PLB1: variants seen among roughly 807,000 people sequenced by gnomAD.
The protein encoded by PLB1 is phospholipase B1, also known as phospholipase B1, membrane-associated.
In PLB1, 242 loss-of-function variants were observed where a neutral mutation model predicts 227.4. The ratio of observed to expected loss-of-function variants is 1.06; its 90% CI spans 0.96 to 1.18. The LOEUF (loss-of-function observed/expected upper bound fraction) is 1.18, where lower values mean the gene tolerates loss of function less well. PLB1 is among the 50% of genes most tolerant of loss of function. The pLI is 0.00. For synonymous variants in PLB1, 757 were observed against 682.2 expected (o/e 1.11, Z -1.71); for missense variants, 1,858 against 1,816.3 (o/e 1.02, Z -0.42).
At chr2:28,564,249 A>G (rs1572996720) in intron 18 of PLB1, among the ~76,000 whole-genome samples, 1 of 152,220 alleles carries the variant, frequency 6.6e-6, no homozygotes, top group East Asian at 1.9e-4. Context: ...CTCTAAATCA[A>G]TAAGAAGGTG....
At chr2:28,631,947 C>A in intron 54 of PLB1, 89 bp from the exon 55 acceptor site, 1 of 1,080,724 alleles carries the variant, frequency 9.3e-7, no homozygotes, top group Non-Finnish European at 1.4e-6. Context: ...GAGTTGACTC[C>A]CGTCAACAAC....
At chr2:28,554,301 G>GTA (rs1289159510) in intron 17 of PLB1, among the ~76,000 whole-genome samples, 3 of 109,154 alleles carry the variant, frequency 2.7e-5, no homozygotes, top group African/African-American at 6.6e-5. Context: ...ATAGATGTGT[G>GTA]TATATATATG....
At chr2:28,525,988 C>G in intron 6 of PLB1, 43 bp downstream of exon 6, 1 of 1,609,564 alleles carries the variant, frequency 6.2e-7, no homozygotes, top group Non-Finnish European at 8.5e-7. Flanking sequence ...GTGCCCCTCT[C>G]CTTCCCAACA....
intron 19 of PLB1, 75 bp from the exon 20 acceptor site, chr2:28,566,721 C>T (rs1427591799): frequency 5.9e-6 from 9 of 1,531,206 alleles, no homozygotes; most frequent in Non-Finnish European, 7.2e-6. Context: ...ACGGGCGTTT[C>T]TGGCTAGTGT....
intron 17 of PLB1, among the ~76,000 whole-genome samples, chr2:28,560,072 A>C (rs563548917): frequency 6.6e-6 from 1 of 152,116 alleles, no homozygotes; most frequent in Non-Finnish European, 1.5e-5. Context: ...TTGGCAAAGA[A>C]GGCTGTTGAG....
intron 11 of PLB1, 122 bp downstream of exon 11, chr2:28,539,300 C>A: frequency 3.4e-6 from 3 of 869,926 alleles, no homozygotes; most frequent in African/African-American, 1.7e-5. Context: ...CCAAAGGAGG[C>A]CGAGAAACAC....
At chr2:28,588,683 G>T (rs867169371) in intron 26 of PLB1, among the ~76,000 whole-genome samples, 2 of 152,064 alleles carry the variant, frequency 1.3e-5, no homozygotes, top group Non-Finnish European at 2.9e-5. Context: ...AGCTGTGAGG[G>T]TTACACAGAT....
intron 3 of PLB1, 65 bp downstream of exon 3, chr2:28,518,597 G>A (rs1669133560): frequency 1.1e-5 from 13 of 1,229,578 alleles, no homozygotes; most frequent in African/African-American, 1.5e-5. Context: ...GCCAGCAGAG[G>A]CTCTAACCCT....
In PLB1 at chr2:28,554,489, C is replaced by CTTTTTTTTTTTTTTTTTTTTTTTTTT. The variant is rs536476788; in HGVS notation, c.1147+1502_1147+1527dup. 3.0e-4 allele frequency among the ~76,000 whole-genome samples: 26 copies of CTTTTTTTTTTTTTTTTTTTTTTTTTT among 85,462 alleles called. 1 individual carries two copies. The highest frequency in any genetic ancestry group is 1.9e-3 in the East Asian group (4 of 2,152). 56.1% of individuals were successfully genotyped at this position (85,462 alleles called of 152,430 possible). ...CTACAGGCATTATCACCACACCTGCCTTTTTTTTTTTTTTTTTTTTTTTTT... is the reference window on the plus strand; with the variant it reads ...CTACAGGCATTATCACCACACCTGCCTTTTTTTTTTTTTTTTTTTTTTTTTTTTTTTTTTTTTTTTTTTTTTTTTTT... On this transcript the variant is annotated intron_variant, in intron 17 of 57. Transcript: ENST00000327757.
intron 1 of PLB1, among the ~76,000 whole-genome samples, chr2:28,498,510 C>G (rs1666736785): frequency 1.3e-5 from 2 of 152,232 alleles, no homozygotes; most frequent in Non-Finnish European, 2.9e-5. Flanking sequence ...ATCCTCCTGT[C>G]TTGGCCTTCT....
At chr2:28,580,095 G>A (rs1165558029) in intron 23 of PLB1, among the ~76,000 whole-genome samples, 18 of 152,174 alleles carry the variant, frequency 1.2e-4, no homozygotes, top group South Asian at 2.1e-4. Flanking sequence ...TGGGAAGGTC[G>A]ATTTCCTGCA....
At position 28,605,842 on chromosome 2, in the gene PLB1, G is replaced by A. The variant is rs1303491530; in HGVS notation, c.2962-11G>A. 6.2e-7 allele frequency: 1 copy of A among 1,605,228 alleles called. No individual in the cohort carries two copies. Among genetic ancestry groups the A allele is most frequent in the Non-Finnish European group, 8.5e-7 (1 of 1,171,968 alleles). ...AATAGGATCTTGAGGGGGTATATTGGTCTCTTTCAGGATGGGCTCCCAGAT... is the reference window on the plus strand; with the variant it reads ...AATAGGATCTTGAGGGGGTATATTGATCTCTTTCAGGATGGGCTCCCAGAT... On this transcript the variant is annotated splice_polypyrimidine_tract_variant and intron_variant, in intron 41 of 57. Transcript: ENST00000327757.
chr2:28,532,684 G>A (rs369799278), intron 9 of PLB1, among the ~76,000 whole-genome samples: 24 of 152,166 alleles, frequency 1.6e-4, no homozygotes, highest in East Asian at 3.8e-4. Context: ...ACTATCTTGC[G>A]TCTTAATTCT....
intron 1 of PLB1, among the ~76,000 whole-genome samples, chr2:28,498,404 G>A (rs1666726789): frequency 6.6e-6 from 1 of 151,822 alleles, no homozygotes; most frequent in African/African-American, 2.4e-5. Context: ...TTGTGTTCAG[G>A]CACATGCCAC....
At chr2:28,570,341 G>A (rs942628544) in intron 20 of PLB1, among the ~76,000 whole-genome samples, 2 of 152,136 alleles carry the variant, frequency 1.3e-5, no homozygotes, top group African/African-American at 4.8e-5. Context: ...AGTGGAATTA[G>A]CCCAGGAATA....
chr2:28,589,746 A>G lies in PLB1; in HGVS notation c.1992A>G (p.Ala664=), dbSNP rs1681554464. 1 of 1,613,846 alleles carries G rather than the reference A, an allele frequency of 6.2e-7. No homozygotes were observed. Among genetic ancestry groups the G allele is most frequent in the Admixed American group, 1.7e-5 (1 of 60,002 alleles). ...TCAGCAGCAAGTCTCACTCCCGAGC[A>G]GCCAGTGCTCTCTGGAACAATATGG... ...FHFSSKSHSR[A]ASALWNNMLE... is the part of the protein sequence containing the mutation. Residue 664 remains alanine, a synonymous_variant, in exon 28 of 58, where the codon GCA becomes GCG. Coordinates refer to ENST00000327757, the MANE Select transcript of PLB1 (RefSeq NM_153021.5).
intron 49 of PLB1, among the ~76,000 whole-genome samples, chr2:28,621,609 G>A (rs1009835948): frequency 8.5e-5 from 13 of 152,166 alleles, no homozygotes; most frequent in Middle Eastern, 3.2e-3. Context: ...TGCATGGAGC[G>A]TGCTGGGTGT....
chr2:28,618,512 G>A (rs1219108332), intron 46 of PLB1, 113 bp downstream of exon 46: 1 of 1,106,410 alleles, frequency 9.0e-7, no homozygotes, highest in Non-Finnish European at 1.3e-6. Context: ...CCGTGTTACT[G>A]AGGGCCTACC....
In PLB1 at chr2:28,602,844, C is replaced by T. The variant is rs774359946; in HGVS notation, c.2697C>T (p.Leu899=). The T allele has an allele frequency of 3.1e-6, 5 of 1,614,050 alleles. No individual in the cohort carries two copies. Among genetic ancestry groups the T allele is most frequent in the African/African-American group, 2.7e-5 (2 of 74,940 alleles). ...HREVPRVLVN[L]VDFLNPTIMR... Reference sequence around the variant, plus strand: ...AGGTGCCCAGAGTCCTGGTCAACCTCGTGGACTTCCTGAACCCCACTATCA... The same window carrying T: ...AGGTGCCCAGAGTCCTGGTCAACCTTGTGGACTTCCTGAACCCCACTATCA... The change falls in exon 39 of 58, where the codon CTC becomes CTT. Residue 899 remains leucine (L), a synonymous_variant. Coordinates refer to ENST00000327757, the MANE Select transcript of PLB1 (RefSeq NM_153021.5).
Sources: gnomAD v4.1 joint callset for allele counts (sites outside exome capture counted in the v4.1 genomes callset) on GRCh38, gnomAD v4.1.1 for gene constraint, MANE v1.5 for transcripts, NCBI Gene and HGNC (gene_info 2026-07-23, HGNC 2026-07-21) for gene names.